Variants in SFXN5 observed in about 807,000 individuals in gnomAD.
SFXN5 encodes sideroflexin-5.
In SFXN5, 43 loss-of-function variants were observed where a neutral mutation model predicts 50.2. The ratio of observed to expected loss-of-function variants is 0.86; its 90% CI spans 0.67 to 1.11. SFXN5 has a LOEUF of 1.11. Among genes scored for constraint, SFXN5 ranks in the 50% least tolerant of loss-of-function variants. SFXN5 has a pLI of 0.00. For missense variants in SFXN5, 463 were observed against 454.1 expected (o/e 1.02, Z -0.18); for synonymous variants, 203 against 185.8 (o/e 1.09, Z -0.75).
At position 73,040,944 on chromosome 2, in the gene SFXN5, GAA is replaced by G; in HGVS notation, c.172-15_172-14del. ...CTCTGAGACGTCTCTGCAGAAGAAA[GAA>G]AAGAGACATTGAGGGGCACAGATCC... On this transcript the variant is annotated splice_polypyrimidine_tract_variant and intron_variant, in intron 2 of 13. Transcript: ENST00000272433. 1.9e-6 allele frequency: 3 copies of G among 1,610,288 alleles called. No homozygotes were observed. Among genetic ancestry groups the G allele is most frequent in the Non-Finnish European group, 1.7e-6 (2 of 1,179,000 alleles).
chr2:72,952,539 C>T (rs1428564727), intron 13 of SFXN5, among the ~76,000 whole-genome samples: 1 of 152,208 alleles, frequency 6.6e-6, no homozygotes, highest in East Asian at 1.9e-4. Context: ...AGAATCCTGT[C>T]TTACACTTTT....
rs573654690 is a variant in SFXN5 at position 72,973,027 on chromosome 2, G to A, written c.626-1342C>T. 5.3e-5 allele frequency among the ~76,000 whole-genome samples: 8 copies of A among 152,198 alleles called. No individual in the cohort carries two copies. The highest frequency in any genetic ancestry group is 1.9e-4 in the African/African-American group (8 of 41,536). On this transcript the variant is annotated intron_variant, in intron 10 of 13. Transcript: ENST00000272433. The surrounding 1 kb of genome is among the most constrained non-coding windows in gnomAD (Gnocchi z 5.5). Reference sequence around the variant, plus strand: ...GGCCTGAGCCAACGAGTGGTCCAGGGTGCTCACAGCTGGGGCACAGGGTTC... The same window carrying A: ...GGCCTGAGCCAACGAGTGGTCCAGGATGCTCACAGCTGGGGCACAGGGTTC...
chr2:73,036,460 A>G (rs902886856), intron 3 of SFXN5, among the ~76,000 whole-genome samples: 3 of 152,142 alleles, frequency 2.0e-5, no homozygotes, highest in Non-Finnish European at 4.4e-5. Context: ...CATCACCAAC[A>G]TGAGCCAGAA....
At position 72,960,702 on chromosome 2, in the gene SFXN5, T is replaced by G. The variant is rs903069049; in HGVS notation, c.945+429A>C. On this transcript the variant is annotated intron_variant, in intron 13 of 13. Transcript: ENST00000272433. This position sits in a 1 kb window ranked among gnomAD's most constrained non-coding sequence, Gnocchi z 6.1. ...ACCTTGCTGCACTCCCTGGTTGCGCTGCAGACTTTGGTCAGCTCTTGGACA... is the reference window on the plus strand; with the variant it reads ...ACCTTGCTGCACTCCCTGGTTGCGCGGCAGACTTTGGTCAGCTCTTGGACA... 6.6e-6 allele frequency among the ~76,000 whole-genome samples: 1 copy of G among 152,178 alleles called. No homozygotes were observed. The highest frequency in any genetic ancestry group is 1.9e-4 in the East Asian group (1 of 5,194).
chr2:72,977,649 G>T (rs1670783424), intron 10 of SFXN5, among the ~76,000 whole-genome samples: 1 of 152,094 alleles, frequency 6.6e-6, no homozygotes, highest in Non-Finnish European at 1.5e-5. Flanking sequence ...GTCAGATAAA[G>T]AATCCTTCCT....
At chr2:72,978,375 C>T (rs1338350000) in intron 10 of SFXN5, among the ~76,000 whole-genome samples, 1 of 151,446 alleles carries the variant, frequency 6.6e-6, no homozygotes, top group Non-Finnish European at 1.5e-5. Flanking sequence ...CTCTGCCTCC[C>T]GGGTTCAAGC....
intron 2 of SFXN5, among the ~76,000 whole-genome samples, chr2:73,051,205 C>T (rs1284658975): frequency 6.6e-6 from 1 of 151,254 alleles, no homozygotes; most frequent in African/African-American, 2.4e-5. Flanking sequence ...TCTGAGCCCT[C>T]ATCTGAATTG....
chr2:73,021,848 G>A (rs191446374), intron 5 of SFXN5, among the ~76,000 whole-genome samples: 277 of 152,310 alleles, frequency 1.8e-3, no homozygotes, highest in Non-Finnish European at 3.2e-3. Flanking sequence ...CTGCTGGGGG[G>A]ATAAGCATGC....
chr2:72,946,692 T>TCTTG (rs1345860253), intron 13 of SFXN5, among the ~76,000 whole-genome samples: 2 of 152,126 alleles, frequency 1.3e-5, no homozygotes, highest in Non-Finnish European at 2.9e-5. Context: ...CGCCATCCAG[T>TCTTG]GGTGCTCTGC....
intron 3 of SFXN5, among the ~76,000 whole-genome samples, chr2:73,025,829 C>T (rs797012824): frequency 6.6e-6 from 1 of 152,146 alleles, no homozygotes; most frequent in African/African-American, 2.4e-5. Flanking sequence ...AGTAGGGAGG[C>T]CCAAAGTCCC....
chr2:72,952,971 T>A (rs913171917), intron 13 of SFXN5, among the ~76,000 whole-genome samples: 1 of 152,142 alleles, frequency 6.6e-6, no homozygotes, highest in South Asian at 2.1e-4. Context: ...TCCCTCCCTA[T>A]CCTGGATTCA....
intron 3 of SFXN5, among the ~76,000 whole-genome samples, chr2:73,029,614 C>T (rs756333815): frequency 6.6e-6 from 1 of 152,204 alleles, no homozygotes; most frequent in Admixed American, 6.5e-5. Flanking sequence ...GGCCTCCTCA[C>T]CTAGGTCTCC....
At chr2:73,042,808 G>T (rs373813451) in intron 2 of SFXN5, among the ~76,000 whole-genome samples, 2 of 151,694 alleles carry the variant, frequency 1.3e-5, no homozygotes, top group East Asian at 3.9e-4. Context: ...CAACAGGCCA[G>T]GTGCAGTGGC....
chr2:72,966,570 G>C (rs1278109339), intron 12 of SFXN5, among the ~76,000 whole-genome samples: 2 of 152,128 alleles, frequency 1.3e-5, no homozygotes, highest in African/African-American at 2.4e-5. Context: ...GGTACCCCCA[G>C]AGCCTCCGCC....
intron 1 of SFXN5, among the ~76,000 whole-genome samples, chr2:73,065,555 T>C (rs1319415390): frequency 6.6e-6 from 1 of 152,162 alleles, no homozygotes; most frequent in African/African-American, 2.4e-5. Flanking sequence ...CCTGCCACCA[T>C]GCTCACATAA....
intron 3 of SFXN5, among the ~76,000 whole-genome samples, chr2:73,026,372 C>A (rs1399937157): frequency 6.6e-6 from 1 of 151,666 alleles, no homozygotes; most frequent in Non-Finnish European, 1.5e-5. Flanking sequence ...CTCAAGTGAT[C>A]CACTTGCCTC....
chr2:73,064,480 G>T (rs1216880270), intron 1 of SFXN5, among the ~76,000 whole-genome samples: 8 of 152,228 alleles, frequency 5.3e-5, no homozygotes, highest in Non-Finnish European at 1.0e-4. Context: ...AGCAGCACTA[G>T]AAAAAACTCA....
At chr2:73,039,851 C>T (rs1679394745) in intron 3 of SFXN5, among the ~76,000 whole-genome samples, 1 of 150,210 alleles carries the variant, frequency 6.7e-6, no homozygotes, top group Non-Finnish European at 1.5e-5. Flanking sequence ...CGCTTTGTTG[C>T]CCAGGCTGGA....
rs1158465570 is a variant in SFXN5 at position 72,992,990 on chromosome 2, T to C, written c.535-4642A>G. Among the ~76,000 whole-genome samples, 1 of 151,976 alleles carries C rather than the reference T, an allele frequency of 6.6e-6. No individual in the cohort carries two copies. On this transcript the variant is annotated intron_variant, in intron 9 of 13. Coordinates refer to ENST00000272433, the MANE Select transcript of SFXN5 (RefSeq NM_144579.3). The surrounding 1 kb of genome is among the most constrained non-coding windows in gnomAD (Gnocchi z 4.5). Reference sequence around the variant, plus strand: ...CCTGCCTGAGCCCTGAATAGGAGGCTAGGAAGGGAGCAGGGCTCAGCCAAG... The same window carrying C: ...CCTGCCTGAGCCCTGAATAGGAGGCCAGGAAGGGAGCAGGGCTCAGCCAAG...
Sources: gnomAD v4.1 joint callset for allele counts (sites outside exome capture counted in the v4.1 genomes callset) on GRCh38, gnomAD v4.1.1 for gene constraint, Gnocchi (gnomAD v3.1) non-coding constraint, MANE v1.5 for transcripts, NCBI Gene and HGNC (gene_info 2026-07-23, HGNC 2026-07-21) for gene names.